Variants in DPP10 observed in about 807,000 individuals in gnomAD.
DPP10 encodes the protein dipeptidyl peptidase like 10.
A neutral mutation model predicts 120.9 loss-of-function variants in DPP10; 33 were observed. The observed-to-expected ratio is 0.27, with a 90% CI of 0.21 to 0.37. The LOEUF (loss-of-function observed/expected upper bound fraction) is 0.37. DPP10 is among the 10% of genes least tolerant of loss of function. The probability of loss-of-function intolerance (pLI) is 1.00; values close to 1 mark genes in which losing one functional copy is unlikely to be tolerated. For missense variants in DPP10, 816 were observed against 942.8 expected, an observed-to-expected ratio of 0.87 and a Z score of 1.76; for synonymous variants, 337 against 326.1, an observed-to-expected ratio of 1.03 and a Z score of -0.36.
intron 1 of DPP10, among the ~76,000 whole-genome samples, chr2:115,232,649 C>T (rs938406375): frequency 6.6e-6 from 1 of 152,226 alleles, no homozygotes; most frequent in South Asian, 2.1e-4. Context: ...CTGCATTATC[C>T]TCACACAAGG....
chr2:115,773,958 G>T (rs76450478), intron 13 of DPP10, among the ~76,000 whole-genome samples: 2,607 of 151,886 alleles, frequency 0.017, 83 homozygotes, highest in African/African-American at 0.059. Flanking sequence ...TATTTGCCCT[G>T]GTAGATTAAA....
intron 1 of DPP10, among the ~76,000 whole-genome samples, chr2:114,909,624 G>T (rs1406431356): frequency 6.6e-6 from 1 of 152,012 alleles, no homozygotes; most frequent in African/African-American, 2.4e-5. Context: ...AAAAACTAGT[G>T]CTCTCCAAGA....
intron 5 of DPP10, among the ~76,000 whole-genome samples, chr2:115,646,376 G>GT (rs1194406598): frequency 1.3e-5 from 2 of 151,732 alleles, no homozygotes; most frequent in African/African-American, 4.8e-5. Context: ...CTGACTCTGG[G>GT]TAAAAAAAAA....
chr2:114,922,828 T>C (rs192827334), intron 1 of DPP10, among the ~76,000 whole-genome samples: 4 of 152,366 alleles, frequency 2.6e-5, no homozygotes, highest in Admixed American at 2.6e-4. Context: ...ACGTTTTGGC[T>C]ACTATGGCTA....
intron 5 of DPP10, among the ~76,000 whole-genome samples, chr2:115,627,188 G>T (rs1387197187): frequency 6.6e-6 from 1 of 152,074 alleles, no homozygotes; most frequent in Non-Finnish European, 1.5e-5. Flanking sequence ...TTTTAAAAAA[G>T]AATTATGTGA....
At chr2:115,663,760 G>T (rs1157245251) in intron 5 of DPP10, among the ~76,000 whole-genome samples, 1 of 152,150 alleles carries the variant, frequency 6.6e-6, no homozygotes, top group Non-Finnish European at 1.5e-5. Flanking sequence ...ACTTTGGGAG[G>T]CTGAGGCAGG....
At chr2:114,525,194 A>G (rs1413565491) in intron 1 of DPP10, among the ~76,000 whole-genome samples, 1 of 152,228 alleles carries the variant, frequency 6.6e-6, no homozygotes, top group African/African-American at 2.4e-5. Context: ...AAATAAATAG[A>G]TGTTAGTGCA....
At chr2:115,819,981 C>T (rs1341006284) in intron 21 of DPP10, among the ~76,000 whole-genome samples, 2 of 152,082 alleles carry the variant, frequency 1.3e-5, no homozygotes, top group African/African-American at 2.4e-5. Flanking sequence ...GCAACAAGAG[C>T]GAAACTCTGT....
chr2:114,616,380 G>C (rs1439926691), intron 1 of DPP10, among the ~76,000 whole-genome samples: 1 of 152,074 alleles, frequency 6.6e-6, no homozygotes, highest in Non-Finnish European at 1.5e-5. Flanking sequence ...GGAAGTTTCT[G>C]CCAGCCTGAT....
At chr2:114,826,443 A>G (rs1686541436) in intron 1 of DPP10, among the ~76,000 whole-genome samples, 1 of 152,238 alleles carries the variant, frequency 6.6e-6, no homozygotes, top group Non-Finnish European at 1.5e-5. Flanking sequence ...CAAAAGATAG[A>G]CTGGCAAATT....
At chr2:114,913,882 T>TGAATTGG (rs1694575376) in intron 1 of DPP10, among the ~76,000 whole-genome samples, 1 of 152,190 alleles carries the variant, frequency 6.6e-6, no homozygotes, top group Non-Finnish European at 1.5e-5. Context: ...AAGAAAGAAC[T>TGAATTGG]GAATTGATCT....
intron 5 of DPP10, among the ~76,000 whole-genome samples, chr2:115,614,209 T>C (rs2149260048): frequency 6.6e-6 from 1 of 152,270 alleles, no homozygotes; most frequent in South Asian, 2.1e-4. Flanking sequence ...AGAGACCAGC[T>C]CTCAGCTTAT....
chr2:115,201,397 A>C (rs1296352457), intron 1 of DPP10, among the ~76,000 whole-genome samples: 1 of 152,168 alleles, frequency 6.6e-6, no homozygotes, highest in Admixed American at 6.5e-5. Context: ...CGGGTGGCAG[A>C]GGCTGCAGTG....
chr2:114,675,708 T>C (rs1041051038), intron 1 of DPP10, among the ~76,000 whole-genome samples: 1 of 152,154 alleles, frequency 6.6e-6, no homozygotes, highest in African/African-American at 2.4e-5. Context: ...AATCAGAACT[T>C]CTGAAAGAGA....
chr2:115,280,370 A>G (rs1029965565), intron 1 of DPP10, among the ~76,000 whole-genome samples: 1 of 152,198 alleles, frequency 6.6e-6, no homozygotes, highest in Non-Finnish European at 1.5e-5. Flanking sequence ...GAGTAATGCA[A>G]GCTTTTCCCA....
intron 1 of DPP10, among the ~76,000 whole-genome samples, chr2:115,266,605 A>G (rs938680091): frequency 1.3e-5 from 2 of 152,174 alleles, no homozygotes; most frequent in East Asian, 1.9e-4. Flanking sequence ...CAAGCATCCA[A>G]TGTATGTTGC....
intron 1 of DPP10, among the ~76,000 whole-genome samples, chr2:115,134,863 A>G (rs2050568702): frequency 6.6e-6 from 1 of 152,130 alleles, no homozygotes; most frequent in Non-Finnish European, 1.5e-5. Flanking sequence ...GTATTTTAGG[A>G]CAAGGCTTTA....
At chr2:114,643,436 T>A (rs1274063933) in intron 1 of DPP10, among the ~76,000 whole-genome samples, 1 of 151,896 alleles carries the variant, frequency 6.6e-6, no homozygotes, top group East Asian at 1.9e-4. Context: ...GTACCATTCA[T>A]AAGACTCTCT....
At chr2:114,834,994 A>G (rs1007574275) in intron 1 of DPP10, among the ~76,000 whole-genome samples, 2 of 150,284 alleles carry the variant, frequency 1.3e-5, no homozygotes, top group African/African-American at 5.0e-5. Flanking sequence ...AGACATATCT[A>G]CACACCTATG....
Sources: gnomAD v4.1 joint callset for allele counts (sites outside exome capture counted in the v4.1 genomes callset) on GRCh38, gnomAD v4.1.1 for gene constraint, MANE v1.5 for transcripts, NCBI Gene and HGNC (gene_info 2026-07-23, HGNC 2026-07-21) for gene names.